RECK: variants seen among roughly 807,000 people sequenced by gnomAD.
RECK encodes reversion inducing cysteine rich protein with kazal motifs, also known as reversion-inducing cysteine-rich protein with Kazal motifs.
A neutral mutation model predicts 115.1 loss-of-function variants in RECK; 69 were observed. The ratio of observed to expected loss-of-function variants is 0.60; its 90% CI spans 0.49 to 0.73. The LOEUF (loss-of-function observed/expected upper bound fraction) is 0.73, where lower values mean the gene tolerates loss of function less well. Among genes scored for constraint, RECK ranks in the 30% least tolerant of loss-of-function variants. The pLI, the probability that RECK is intolerant of heterozygous loss-of-function variation, is 0.00. For synonymous variants in RECK, 414 were observed against 419.7 expected (o/e 0.99, Z 0.17); for missense variants, 1,047 against 1,203.7 (o/e 0.87, Z 1.93).
chr9:36,068,365 T>C (rs1268935468), intron 6 of RECK, among the ~76,000 whole-genome samples: 1 of 152,230 alleles, frequency 6.6e-6, no homozygotes, highest in Non-Finnish European at 1.5e-5. Context: ...GATAATCTAA[T>C]CTTTTAAGCC....
At chr9:36,091,462 T>A in intron 10 of RECK, 119 bp downstream of exon 10, 1 of 821,616 alleles carries the variant, frequency 1.2e-6, no homozygotes, top group Non-Finnish European at 1.8e-6. Context: ...CTTTATGATT[T>A]AATCTTTAAA....
intron 1 of RECK, among the ~76,000 whole-genome samples, chr9:36,045,710 T>G (rs948788232): frequency 2.6e-5 from 4 of 152,198 alleles, no homozygotes; most frequent in African/African-American, 9.6e-5. Flanking sequence ...CCTATAATTC[T>G]ATGGATATTT....
intron 1 of RECK, among the ~76,000 whole-genome samples, chr9:36,040,174 TG>T (rs1432628597): frequency 6.6e-6 from 1 of 152,046 alleles, no homozygotes; most frequent in Non-Finnish European, 1.5e-5. Context: ...TTCTGAGAGG[TG>T]ATAGACAATA....
Position 36,074,497 on chromosome 9 carries a change from G to C in RECK, c.406-6108G>C, listed in dbSNP as rs549814067. Among the ~76,000 whole-genome samples, 68 of 152,300 alleles carry C rather than the reference G, an allele frequency of 4.5e-4. 2 individuals are homozygous for C. In the South Asian group the frequency reaches 0.013, roughly 30 times the overall value. ...AAGTACATTGCTAGAATGTATTGGA[G>C]CCTGGAGGAAAAAACCCTGCCTAGG... On this transcript the variant is annotated intron_variant, in intron 6 of 20. Transcript: ENST00000377966.
intron 16 of RECK, among the ~76,000 whole-genome samples, chr9:36,116,205 C>T (rs1385498992): frequency 1.8e-4 from 27 of 151,440 alleles, no homozygotes; most frequent in African/African-American, 6.1e-4. Context: ...ATCAGCTCAC[C>T]GCAACCTTCG....
intron 5 of RECK, among the ~76,000 whole-genome samples, chr9:36,065,165 A>G (rs1301570810): frequency 1.3e-5 from 2 of 151,280 alleles, no homozygotes; most frequent in African/African-American, 4.9e-5. Flanking sequence ...GTTAAAGAAA[A>G]AGCAAAATGT....
At chr9:36,052,169 C>A in intron 1 of RECK, 96 bp from the exon 2 acceptor site, 1 of 727,386 alleles carries the variant, frequency 1.4e-6, no homozygotes, top group Non-Finnish European at 2.5e-6. Context: ...TAATAATCAT[C>A]ATCTACTGAA....
Position 36,112,417 on chromosome 9 carries a change from G to A in RECK, c.2001G>A (p.Glu667=). 1 of 1,614,130 alleles carries A rather than the reference G, an allele frequency of 6.2e-7. No homozygotes were observed. The highest frequency in any genetic ancestry group is 8.5e-7 in the Non-Finnish European group (1 of 1,180,046). ...RCVGLQDHQF[E]FGSCMSKDPC... The stretch of plus-strand genomic sequence containing the variant: ...TGGGCCTCCAAGACCATCAGTTTGA[G>A]TTTGGATCATGCATGTCAAAGGATC... Residue 667 remains glutamate, a synonymous_variant, in exon 16 of 21, where the codon GAG becomes GAA. Coordinates refer to ENST00000377966, the MANE Select transcript of RECK (RefSeq NM_021111.3).
At chr9:36,099,857 A>G (rs1414989181) in intron 10 of RECK, among the ~76,000 whole-genome samples, 2 of 152,146 alleles carry the variant, frequency 1.3e-5, no homozygotes, top group African/African-American at 4.8e-5. Context: ...GTCAGTAGGG[A>G]GGCATTAACT....
At chr9:36,090,862 G>T (rs1823130575) in intron 9 of RECK, among the ~76,000 whole-genome samples, 1 of 152,114 alleles carries the variant, frequency 6.6e-6, no homozygotes, top group Non-Finnish European at 1.5e-5. Flanking sequence ...AAGATATAGG[G>T]GGAAATAATT....
chr9:36,052,921 A>G (rs183543492), intron 2 of RECK, among the ~76,000 whole-genome samples: 40 of 152,298 alleles, frequency 2.6e-4, no homozygotes, highest in Admixed American at 5.9e-4. Context: ...AAATAGTAGT[A>G]TTATACCAAT....
At chr9:36,085,893 G>C (rs529245253) in intron 8 of RECK, 1 of 152,076 alleles carries the variant, frequency 6.6e-6, no homozygotes, top group African/African-American at 2.4e-5. Flanking sequence ...ACCTTCATTT[G>C]TTTTAAAGGC....
At chr9:36,075,386 G>T (rs201659553) in intron 6 of RECK, among the ~76,000 whole-genome samples, 2,410 of 152,258 alleles carry the variant, frequency 0.016, 48 homozygotes, top group East Asian at 0.061. Flanking sequence ...TTTCTGAGCA[G>T]TCTAGACCTA....
chr9:36,090,677 T>A (rs1213780330), intron 9 of RECK, among the ~76,000 whole-genome samples: 1 of 152,166 alleles, frequency 6.6e-6, no homozygotes, highest in Non-Finnish European at 1.5e-5. Flanking sequence ...TAGAAATGGC[T>A]TTAGTATAGT....
At chr9:36,037,121 G>A in intron 1 of RECK, 23 bp downstream of exon 1, 4 of 1,258,246 alleles carry the variant, frequency 3.2e-6, no homozygotes, top group Non-Finnish European at 3.0e-6. Flanking sequence ...CAGAGCAACG[G>A]TTCGAAGCTG....
chr9:36,066,845 T>C (rs775579575), intron 6 of RECK: 1 of 1,289,382 alleles, frequency 7.8e-7, no homozygotes, highest in South Asian at 1.2e-5. Flanking sequence ...TGCCAGTATG[T>C]GTTGATGAAG....
In RECK at chr9:36,124,167, T is replaced by C. The variant is rs1369411848; in HGVS notation, c.*1122T>C. On this transcript the variant is annotated 3_prime_UTR_variant, in exon 21 of 21. Transcript: ENST00000377966. ...TCTAAGAAATTGAATACTTTGAATG[T>C]GTTTCACAGTTTGAAATAAGCTATT... The C allele has an allele frequency of 1.3e-5, 2 of 152,670 alleles. No homozygotes were observed. Among genetic ancestry groups the C allele is most frequent in the South Asian group, 4.1e-4 (2 of 4,832 alleles). The allele number at this position is 152,670 out of a possible 1,614,324, so 9.5% of individuals were successfully genotyped here.
At chr9:36,090,240 A>G (rs966670237) in intron 9 of RECK, among the ~76,000 whole-genome samples, 1 of 152,182 alleles carries the variant, frequency 6.6e-6, no homozygotes, top group African/African-American at 2.4e-5. Context: ...ACTTGATCAC[A>G]GCTTCCTTAT....
rs557347084 is a variant in RECK, at chr9:36,055,353, A to C, written c.159+3030A>C. On this transcript the variant is annotated intron_variant, in intron 2 of 20. Transcript: ENST00000377966. ...ATTCATTCTACTTTATGGGATCATA[A>C]TTTTAGAGACAGAAGGGACCCAATA... Among the ~76,000 whole-genome samples, 9 of 152,274 alleles carry C rather than the reference A, an allele frequency of 5.9e-5. No individual in the cohort carries two copies. In the East Asian group the frequency reaches 1.7e-3, roughly 29 times the overall value.
Sources: gnomAD v4.1 joint callset for allele counts (sites outside exome capture counted in the v4.1 genomes callset) on GRCh38, gnomAD v4.1.1 for gene constraint, MANE v1.5 for transcripts, NCBI Gene and HGNC (gene_info 2026-07-23, HGNC 2026-07-21) for gene names.